KLF3: variants seen among roughly 807,000 people sequenced by gnomAD.
KLF3 encodes the protein Krueppel-like factor 3.
In KLF3, 6 loss-of-function variants were observed where a neutral mutation model predicts 32.7. The ratio of observed to expected loss-of-function variants is 0.18; its 90% CI spans 0.10 to 0.36. The LOEUF (loss-of-function observed/expected upper bound fraction) is 0.36, where lower values mean the gene tolerates loss of function less well. KLF3 is among the 10% of genes least tolerant of loss of function. The pLI, the probability that KLF3 is intolerant of heterozygous loss-of-function variation, is 1.00. For synonymous variants in KLF3, 145 were observed against 172.8 expected (o/e 0.84, Z 1.26); for missense variants, 338 against 449.7 (o/e 0.75, Z 2.25).
intron 1 of KLF3, among the ~76,000 whole-genome samples, chr4:38,669,939 G>C (rs1191333304): frequency 2.2e-5 from 1 of 46,242 alleles, no homozygotes; most frequent in Admixed American, 1.9e-4. Context: ...CCTCTTAACT[G>C]GCCTTGTCCT....
chr4:38,679,989 C>T (rs774621978), intron 1 of KLF3, among the ~76,000 whole-genome samples: 2 of 152,048 alleles, frequency 1.3e-5, no homozygotes, highest in African/African-American at 4.8e-5. Context: ...CAAGCTTTGG[C>T]GCTCAGAAGG....
chr4:38,695,770 A>T (rs1723029370), intron 5 of KLF3, among the ~76,000 whole-genome samples: 1 of 152,164 alleles, frequency 6.6e-6, no homozygotes, highest in Non-Finnish European at 1.5e-5. Context: ...TGATGTATGT[A>T]CAGTAAGGCT....
At chr4:38,675,390 T>TCCC (rs11429183) in intron 1 of KLF3, among the ~76,000 whole-genome samples, 72 of 151,554 alleles carry the variant, frequency 4.8e-4, no homozygotes, top group African/African-American at 1.6e-3. Context: ...ATTTTGCCCT[T>TCCC]CCCCCCCCTT....
intron 2 of KLF3, among the ~76,000 whole-genome samples, chr4:38,682,246 G>A (rs1440984027): frequency 6.6e-6 from 1 of 152,042 alleles, no homozygotes; most frequent in Non-Finnish European, 1.5e-5. Context: ...TTCAGTATAG[G>A]CCAGGTTTCA....
rs1478317562 is a variant in KLF3, at chr4:38,665,116, C to G, written c.-40+655C>G. Among the ~76,000 whole-genome samples the G allele has an allele frequency of 2.6e-5, 4 of 152,012 alleles. No individual in the cohort carries two copies. In the East Asian group the frequency reaches 7.7e-4, roughly 29 times the overall value. On this transcript the variant is annotated intron_variant, in intron 1 of 5. Coordinates refer to ENST00000261438, the MANE Select transcript of KLF3 (RefSeq NM_016531.6). ...GGGCAATTGGGATTGGAGGCAGCATCCCATTCTCGGTTCTGGAGCCCAGGA... is the reference window on the plus strand; with the variant it reads ...GGGCAATTGGGATTGGAGGCAGCATGCCATTCTCGGTTCTGGAGCCCAGGA...
chr4:38,667,770 T>C (rs1223668743), intron 1 of KLF3, among the ~76,000 whole-genome samples: 1 of 152,240 alleles, frequency 6.6e-6, no homozygotes, highest in African/African-American at 2.4e-5. Context: ...CCACCCTCGT[T>C]CACGTTTAAC....
At chr4:38,684,380 A>G (rs941322690) in intron 2 of KLF3, among the ~76,000 whole-genome samples, 2 of 152,194 alleles carry the variant, frequency 1.3e-5, no homozygotes, top group African/African-American at 2.4e-5. Flanking sequence ...TTGAGCACCT[A>G]TTGCAGGCCC....
intron 1 of KLF3, among the ~76,000 whole-genome samples, chr4:38,677,896 TGTGTGTG>T (rs1722401026): frequency 6.6e-6 from 1 of 151,740 alleles, no homozygotes; most frequent in African/African-American, 2.4e-5. Context: ...TGTGTGTGTG[TGTGTGTG>T]TGTGTGTGTG....
chr4:38,684,541 G>GTTTT (rs139709836), intron 2 of KLF3, among the ~76,000 whole-genome samples: 1 of 109,154 alleles, frequency 9.2e-6, no homozygotes, highest in Non-Finnish European at 1.8e-5. Flanking sequence ...GGTTTTTTGT[G>GTTTT]TTTTTTTTTT....
chr4:38,678,161 G>T (rs1175517939), intron 1 of KLF3, among the ~76,000 whole-genome samples: 1 of 152,138 alleles, frequency 6.6e-6, no homozygotes, highest in East Asian at 1.9e-4. Context: ...AAAGCTGGGG[G>T]TGAGGAGGTG....
intron 1 of KLF3, among the ~76,000 whole-genome samples, chr4:38,676,967 T>G (rs1720986337): frequency 6.6e-6 from 1 of 150,720 alleles, no homozygotes; most frequent in East Asian, 1.9e-4. Flanking sequence ...TTTTTTTTTT[T>G]TTTTTTTTTT....
chr4:38,676,565 T>C (rs1247228425), intron 1 of KLF3, among the ~76,000 whole-genome samples: 1 of 152,208 alleles, frequency 6.6e-6, no homozygotes, highest in Non-Finnish European at 1.5e-5. Context: ...TTCCAGACGT[T>C]TTCTTTGCAT....
chr4:38,676,396 G>A (rs337611), intron 1 of KLF3, among the ~76,000 whole-genome samples: 4,191 of 152,230 alleles, frequency 0.028, 65 homozygotes, highest in Middle Eastern at 0.095. Context: ...AGCCGAGATC[G>A]TTCCACTGCA....
chr4:38,687,632 A>G (rs1722742023), intron 2 of KLF3, among the ~76,000 whole-genome samples: 1 of 152,228 alleles, frequency 6.6e-6, no homozygotes, highest in Non-Finnish European at 1.5e-5. Context: ...AGCAGGGTAT[A>G]GAGGAGAGAA....
intron 5 of KLF3, among the ~76,000 whole-genome samples, chr4:38,695,656 G>A (rs1478776156): frequency 2.0e-5 from 3 of 152,134 alleles, no homozygotes; most frequent in Non-Finnish European, 1.5e-5. Flanking sequence ...AGGATTGTTT[G>A]AGCCCAGGAG....
chr4:38,680,370 C>T (rs1722482529), intron 1 of KLF3, among the ~76,000 whole-genome samples: 1 of 151,912 alleles, frequency 6.6e-6, no homozygotes, highest in South Asian at 2.1e-4. Context: ...AGTGCCATCA[C>T]GCCCAGCTAA....
At chr4:38,692,044 A>C (rs1033210039) in intron 4 of KLF3, among the ~76,000 whole-genome samples, 2 of 152,206 alleles carry the variant, frequency 1.3e-5, no homozygotes, top group Admixed American at 1.3e-4. Context: ...ATCAAATTCT[A>C]TTTGTTACAG....
Position 38,699,942 on chromosome 4 carries a change from T to TC in KLF3, c.*2680dup, listed in dbSNP as rs1324536454. 1 of 152,266 alleles carries TC rather than the reference T, an allele frequency of 6.6e-6. No individual in the cohort carries two copies. The highest frequency in any genetic ancestry group is 1.5e-5 in the Non-Finnish European group (1 of 68,046). 9.4% of individuals were successfully genotyped at this position (152,266 alleles called of 1,614,324 possible). A position where few individuals can be genotyped will look rare whatever the true frequency, so the allele number is the denominator to read the frequency against. On this transcript the variant is annotated 3_prime_UTR_variant, in exon 6 of 6. Transcript: ENST00000261438. ...CTTGAACATGTTTTAATGATGTGTG[T>TC]CATGTTACTATCAATGGTGATTTCA...
intron 1 of KLF3, among the ~76,000 whole-genome samples, chr4:38,672,967 C>CT (rs1339831822): frequency 9.2e-5 from 14 of 152,224 alleles, no homozygotes; most frequent in African/African-American, 2.9e-4. Flanking sequence ...AGGGGGCAGC[C>CT]TTAGAGGCAG....
Sources: gnomAD v4.1 joint callset for allele counts (sites outside exome capture counted in the v4.1 genomes callset) on GRCh38, gnomAD v4.1.1 for gene constraint, MANE v1.5 for transcripts, NCBI Gene and HGNC (gene_info 2026-07-23, HGNC 2026-07-21) for gene names.